SPTB: variants seen among roughly 807,000 people sequenced by gnomAD.
SPTB encodes spectrin beta chain, erythrocytic.
In SPTB, 45 loss-of-function variants were observed where a neutral mutation model predicts 256.2. That is an observed-to-expected ratio of 0.18 (90% confidence interval 0.14 to 0.23). The LOEUF is 0.23. Among genes scored for constraint, SPTB ranks in the 10% least tolerant of loss-of-function variants. SPTB has a pLI of 1.00. For missense variants in SPTB, 2,715 were observed against 3,040.4 expected (o/e 0.89, Z 2.52); for synonymous variants, 1,231 against 1,243.1 (o/e 0.99, Z 0.21).
rs117424949 is a variant in SPTB, at chr14:64,845,021, A to G, written c.-51-21876T>C. Among the ~76,000 whole-genome samples, 103 of 152,354 alleles carry G rather than the reference A, an allele frequency of 6.8e-4. No homozygotes were observed. Among genetic ancestry groups the G allele is most frequent in the Non-Finnish European group, 1.2e-3 (82 of 68,020 alleles). Reference sequence around the variant, plus strand: ...CACTGCATACAATACTTCCTTGTTAAAGAGAGAGATGGACATGGAAAATAA... The same window carrying G: ...CACTGCATACAATACTTCCTTGTTAGAGAGAGAGATGGACATGGAAAATAA... On this transcript the variant is annotated intron_variant, in intron 1 of 35. Coordinates refer to ENST00000644917, the MANE Select transcript of SPTB (RefSeq NM_001355436.2). This position sits in a 1 kb window ranked among gnomAD's most constrained non-coding sequence, Gnocchi z 4.8.
In SPTB at chr14:64,841,757, T is replaced by TATA. The variant is rs200217417; in HGVS notation, c.-51-18613_-51-18612insTAT. ...TGACATCCCATATATATATATATATTTTTTAAGGGTCTTTCTTTAACACAG... is the reference window on the plus strand; with the variant it reads ...TGACATCCCATATATATATATATATTATATTTTAAGGGTCTTTCTTTAACACAG... On this transcript the variant is annotated intron_variant, in intron 1 of 35. Transcript: ENST00000644917. The surrounding 1 kb of genome is among the most constrained non-coding windows in gnomAD (Gnocchi z 4.6). Among the ~76,000 whole-genome samples the TATA allele has an allele frequency of 8.2e-3, 1,244 of 151,304 alleles. 21 individuals carry two copies. Among genetic ancestry groups the TATA allele is most frequent in the African/African-American group, 0.028 (1,138 of 40,902 alleles).
chr14:64,859,419 A>T (rs1352168109), intron 1 of SPTB, among the ~76,000 whole-genome samples: 1 of 152,168 alleles, frequency 6.6e-6, no homozygotes, highest in Non-Finnish European at 1.5e-5. Flanking sequence ...GCTGTTAAAT[A>T]GTATTAAACT....
At position 64,775,046 on chromosome 14, in the gene SPTB, A is replaced by G; in HGVS notation, c.4842+79T>C. ...TCACTCCTCACACAGTTGGACTCAC[A>G]AGGCTCCCTACCGACAGCCAACCTC... On this transcript the variant is annotated intron_variant, in intron 23 of 35. Transcript: ENST00000644917. This position sits in a 1 kb window ranked among gnomAD's most constrained non-coding sequence, Gnocchi z 5.0. The G allele has an allele frequency of 6.3e-7, 1 of 1,599,136 alleles. No individual in the cohort carries two copies. Among genetic ancestry groups the G allele is most frequent in the Non-Finnish European group, 8.6e-7 (1 of 1,168,912 alleles).
chr14:64,859,355 G>T (rs2083921649), intron 1 of SPTB, among the ~76,000 whole-genome samples: 1 of 152,196 alleles, frequency 6.6e-6, no homozygotes, highest in Admixed American at 6.5e-5. Flanking sequence ...TAAGTCTATA[G>T]GTATGCATAT....
In SPTB at chr14:64,826,908, C is replaced by A. The variant is rs76435737; in HGVS notation, c.-51-3763G>T. On this transcript the variant is annotated intron_variant, in intron 1 of 35. Transcript: ENST00000644917. This position sits in a 1 kb window ranked among gnomAD's most constrained non-coding sequence, Gnocchi z 4.4. Reference sequence around the variant, plus strand: ...TTGCCCACAGCTCAGCACTGAAAACCTCATGGGATCACACAGAGGACTCAG... The same window carrying A: ...TTGCCCACAGCTCAGCACTGAAAACATCATGGGATCACACAGAGGACTCAG... 3.2e-3 allele frequency among the ~76,000 whole-genome samples: 493 copies of A among 152,280 alleles called. 7 individuals carry two copies. Among genetic ancestry groups the A allele is most frequent in the East Asian group, 0.018 (95 of 5,182 alleles).
chr14:64,865,835 C>T (rs1286367635), intron 1 of SPTB, among the ~76,000 whole-genome samples: 2 of 152,214 alleles, frequency 1.3e-5, no homozygotes, highest in African/African-American at 2.4e-5. Flanking sequence ...TCTTACTTCA[C>T]TCCCCGTACC....
At chr14:64,832,673 C>T (rs2083467293) in intron 1 of SPTB, among the ~76,000 whole-genome samples, 1 of 152,310 alleles carries the variant, frequency 6.6e-6, no homozygotes, top group African/African-American at 2.4e-5. Flanking sequence ...TATCCTCATC[C>T]TTTTCCCATT....
Position 64,802,464 on chromosome 14 carries a change from T to G in SPTB, c.475-147A>C. On this transcript the variant is annotated intron_variant, in intron 4 of 35. Transcript: ENST00000644917. The surrounding 1 kb of genome is among the most constrained non-coding windows in gnomAD (Gnocchi z 5.1). ...GAGCCAGTATAAATGGCGCTTGGGT[T>G]GGGTCTCCCTTCATGTGCCCTGCTC... 1 of 752,076 alleles carries G rather than the reference T, an allele frequency of 1.3e-6. No individual in the cohort carries two copies. Among genetic ancestry groups the G allele is most frequent in the Non-Finnish European group, 2.3e-6 (1 of 429,942 alleles). The allele number at this position is 752,076 out of a possible 1,614,324, so 46.6% of individuals were successfully genotyped here.
chr14:64,793,847 G>C lies in SPTB; in HGVS notation c.1816C>G (p.Gln606Glu). ...TGGCTGATGCGGTCCTGGATGACCT[G>C]GGGGTCACAAGGCTGGTACCCTGGA... ...EGKGYQPCDPQVIQDRISHLE... is the reference protein window; with the variant it reads ...EGKGYQPCDPEVIQDRISHLE... Residue 606 changes from glutamine to glutamate, a missense_variant, in exon 14 of 36, where the codon CAG (glutamine) becomes GAG (glutamate). By Grantham distance (29) the Gln-to-Glu change is conservative. Transcript: ENST00000644917. The surrounding 1 kb of genome is among the most constrained non-coding windows in gnomAD (Gnocchi z 7.0). The C allele has an allele frequency of 6.2e-7, 1 of 1,607,246 alleles. No individual in the cohort carries two copies. Among genetic ancestry groups the C allele is most frequent in the Non-Finnish European group, 8.5e-7 (1 of 1,179,486 alleles).
chr14:64,855,928 TGA>T (rs1339630319), intron 1 of SPTB, among the ~76,000 whole-genome samples: 1 of 152,156 alleles, frequency 6.6e-6, no homozygotes, highest in South Asian at 2.1e-4. Context: ...TCAGTGCCAC[TGA>T]GAGGCTCACA....
intron 33 of SPTB, among the ~76,000 whole-genome samples, chr14:64,751,943 AATT>A (rs754437786): frequency 9.5e-5 from 14 of 147,040 alleles, no homozygotes; most frequent in South Asian, 2.2e-4. Context: ...AAAAAAAAAA[AATT>A]AGCCAGGCGT....
chr14:64,856,982 T>G (rs2083884419), intron 1 of SPTB, among the ~76,000 whole-genome samples: 1 of 152,228 alleles, frequency 6.6e-6, no homozygotes, highest in Non-Finnish European at 1.5e-5. Context: ...CATGCTTTAA[T>G]TTCCTTATCA....
rs995821770 is a variant in SPTB, at chr14:64,793,666, C to T, written c.1997G>A (p.Gly666Asp). The T allele has an allele frequency of 8.7e-6, 14 of 1,614,164 alleles. No individual in the cohort carries two copies. The highest frequency in any genetic ancestry group is 7.6e-6 in the Non-Finnish European group (9 of 1,180,050). The part of the protein sequence containing the change: ...KEQIYSSLDY[G>D]KDLTSVLILQ... ...GATGAGCACACTGGTCAGGTCTTTG[C>T]CATAGTCCAGGGAAGAATAGATCTG... is the stretch of plus-strand genomic sequence containing the variant. The change falls in exon 14 of 36, where the codon GGC becomes GAC. Residue 666 changes from glycine (G) to aspartate (D), a missense_variant. By Grantham distance (94) the Gly-to-Asp change is moderately conservative. Coordinates refer to ENST00000644917, the MANE Select transcript of SPTB (RefSeq NM_001355436.2). This position sits in a 1 kb window ranked among gnomAD's most constrained non-coding sequence, Gnocchi z 7.0.
At chr14:64,864,700 G>A (rs570469877) in intron 1 of SPTB, among the ~76,000 whole-genome samples, 22 of 152,150 alleles carry the variant, frequency 1.4e-4, no homozygotes, top group Admixed American at 5.9e-4. Context: ...GTGCCTCTTC[G>A]CAGTAATAAG....
rs556357195 is a variant in SPTB, at chr14:64,807,912, T to C, written c.149-2822A>G. 6.6e-6 allele frequency among the ~76,000 whole-genome samples: 1 copy of C among 152,364 alleles called. No homozygotes were observed. Among genetic ancestry groups the C allele is most frequent in the Admixed American group, 6.5e-5 (1 of 15,308 alleles). On this transcript the variant is annotated intron_variant, in intron 2 of 35. Coordinates refer to ENST00000644917, the MANE Select transcript of SPTB (RefSeq NM_001355436.2). This position sits in a 1 kb window ranked among gnomAD's most constrained non-coding sequence, Gnocchi z 4.7. ...CAGCCCTGCCAGGAGCCAGGCCTTA[T>C]TTCCAGAGCCCTAACCCTGCCAGTG... is the stretch of plus-strand genomic sequence containing the variant.
At chr14:64,849,725 T>A (rs947030325) in intron 1 of SPTB, among the ~76,000 whole-genome samples, 16 of 152,178 alleles carry the variant, frequency 1.1e-4, no homozygotes, top group African/African-American at 3.9e-4. Context: ...CATTTTTTGT[T>A]TTAATCCACC....
At chr14:64,801,686 G>T (rs45539331) in intron 6 of SPTB, 68 bp downstream of exon 6, 27,371 of 1,464,862 alleles carry the variant, frequency 0.019, 995 homozygotes, top group Admixed American at 0.15. Flanking sequence ...CATGTTAAGT[G>T]CAATGTGTCC....
chr14:64,834,105 C>T (rs760008030), intron 1 of SPTB, among the ~76,000 whole-genome samples: 5 of 152,194 alleles, frequency 3.3e-5, no homozygotes, highest in Admixed American at 6.5e-5. Flanking sequence ...CGGCTCACTG[C>T]AACCTCCGCC....
chr14:64,749,318 G>A lies in SPTB; in HGVS notation c.6975C>T (p.Pro2325=), dbSNP rs1420463614. 6.2e-7 allele frequency: 1 copy of A among 1,604,850 alleles called. No homozygotes were observed. Among genetic ancestry groups the A allele is most frequent in the South Asian group, 1.1e-5 (1 of 90,080 alleles). The change falls in exon 36 of 36, where the codon CCC becomes CCT. Residue 2325 remains proline (P), a synonymous_variant. Transcript: ENST00000644917. This position sits in a 1 kb window ranked among gnomAD's most constrained non-coding sequence, Gnocchi z 4.7. ...KDKEKRFSFF[P]KKK is the part of the protein sequence containing the mutation. ...CCAGCCCCACCTGCTACTTCTTTTT[G>A]GGGAAGAAGCTGAATCTCTTCTCCT... is the stretch of plus-strand genomic sequence containing the variant.
Sources: gnomAD v4.1 joint callset for allele counts (sites outside exome capture counted in the v4.1 genomes callset) on GRCh38, gnomAD v4.1.1 for gene constraint, Gnocchi (gnomAD v3.1) non-coding constraint, MANE v1.5 for transcripts, NCBI Gene and HGNC (gene_info 2026-07-23, HGNC 2026-07-21) for gene names.